Variants in SEMA6D observed in about 807,000 individuals in gnomAD.
SEMA6D encodes semaphorin-6D.
A neutral mutation model predicts 106.6 loss-of-function variants in SEMA6D; 35 were observed. That is an observed-to-expected ratio of 0.33 (90% CI 0.25 to 0.44). SEMA6D has a LOEUF of 0.44. SEMA6D is among the 20% of genes least tolerant of loss of function. SEMA6D has a pLI of 1.00. For synonymous variants in SEMA6D, 499 were observed against 487.7 expected (o/e 1.02, Z -0.31); for missense variants, 1,185 against 1,345.9 (o/e 0.88, Z 1.87).
intron 4 of SEMA6D, among the ~76,000 whole-genome samples, chr15:47,697,337 G>A (rs1012964362): frequency 3.9e-5 from 6 of 152,026 alleles, no homozygotes; most frequent in African/African-American, 1.2e-4. Context: ...AATAATTATC[G>A]TGCTCTCCCA....
At chr15:47,586,539 T>C (rs1168682932) in intron 3 of SEMA6D, among the ~76,000 whole-genome samples, 3 of 152,222 alleles carry the variant, frequency 2.0e-5, no homozygotes, top group African/African-American at 7.2e-5. Flanking sequence ...CTCTCTTTCA[T>C]AGTGCTTTGT....
intron 1 of SEMA6D, among the ~76,000 whole-genome samples, chr15:47,403,689 TG>T (rs1185060837): frequency 6.6e-6 from 1 of 152,060 alleles, no homozygotes; most frequent in Non-Finnish European, 1.5e-5. Context: ...TGCATGGGGA[TG>T]GGGAGAGGTT....
At chr15:47,290,354 A>G (rs1056964365) in intron 1 of SEMA6D, among the ~76,000 whole-genome samples, 4 of 152,280 alleles carry the variant, frequency 2.6e-5, no homozygotes, top group African/African-American at 4.8e-5. Context: ...TCAGAGGGCA[A>G]TTACTTCCAA....
intron 1 of SEMA6D, among the ~76,000 whole-genome samples, chr15:47,185,185 C>T (rs1334023055): frequency 6.6e-6 from 1 of 152,082 alleles, no homozygotes; most frequent in African/African-American, 2.4e-5. Context: ...ATAAAAGTGA[C>T]GACTTGGAGG....
At chr15:47,755,007 A>G (rs190511070) in intron 1 of SEMA6D, among the ~76,000 whole-genome samples, 319 of 142,530 alleles carry the variant, frequency 2.2e-3, no homozygotes, top group Admixed American at 4.1e-3. Context: ...GCTGGAGTTC[A>G]GTGGTGCAGT....
At chr15:47,646,320 A>G (rs577791547) in intron 4 of SEMA6D, among the ~76,000 whole-genome samples, 7 of 152,314 alleles carry the variant, frequency 4.6e-5, no homozygotes, top group Non-Finnish European at 8.8e-5. Context: ...AAATAAATAT[A>G]TAGATTTCAC....
intron 1 of SEMA6D, among the ~76,000 whole-genome samples, chr15:47,411,316 C>T (rs1479733874): frequency 2.0e-5 from 3 of 151,892 alleles, no homozygotes; most frequent in Non-Finnish European, 2.9e-5. Flanking sequence ...AGGATGGTCT[C>T]GATCTCCTGA....
chr15:47,284,616 C>G (rs1040204145), intron 1 of SEMA6D, among the ~76,000 whole-genome samples: 2 of 152,156 alleles, frequency 1.3e-5, no homozygotes, highest in African/African-American at 2.4e-5. Flanking sequence ...AAAACTATGT[C>G]CTAGTGAATG....
chr15:47,332,097 G>C (rs1433664809), intron 1 of SEMA6D, among the ~76,000 whole-genome samples: 1 of 152,142 alleles, frequency 6.6e-6, no homozygotes, highest in Non-Finnish European at 1.5e-5. Flanking sequence ...TTTCTAATTA[G>C]TTTACTTATC....
At chr15:47,230,542 C>A (rs1292511910) in intron 1 of SEMA6D, among the ~76,000 whole-genome samples, 1 of 152,116 alleles carries the variant, frequency 6.6e-6, no homozygotes, top group African/African-American at 2.4e-5. Flanking sequence ...AAGTAGCTGG[C>A]TCTTACTCTG....
At position 47,304,792 on chromosome 15, in the gene SEMA6D, A is replaced by T. The variant is rs1409102677; in HGVS notation, c.-238-107601A>T. Among the ~76,000 whole-genome samples the T allele has an allele frequency of 2.0e-5, 3 of 152,166 alleles. No individual in the cohort carries two copies. The East Asian group carries it at 5.8e-4, about 29-fold the overall frequency. ...ATTCTTATCTGAGCTACCACCTCAC[A>T]TAGGCTGCTGTGGTGACTAACAGTG... On this transcript the variant is annotated intron_variant, in intron 1 of 19. Coordinates refer to the SEMA6D transcript ENST00000558014.
At chr15:47,735,650 G>A (rs955351366) in intron 1 of SEMA6D, among the ~76,000 whole-genome samples, 1 of 152,220 alleles carries the variant, frequency 6.6e-6, no homozygotes, top group African/African-American at 2.4e-5. Flanking sequence ...TCATTTACTT[G>A]AGCAAATTTA....
intron 3 of SEMA6D, among the ~76,000 whole-genome samples, chr15:47,563,089 T>A (rs1260277187): frequency 6.6e-6 from 1 of 152,184 alleles, no homozygotes; most frequent in Non-Finnish European, 1.5e-5. Context: ...AAAGACTACA[T>A]AATGTGTAAT....
chr15:47,250,808 T>G (rs2033474925), intron 1 of SEMA6D, among the ~76,000 whole-genome samples: 1 of 152,240 alleles, frequency 6.6e-6, no homozygotes, highest in Admixed American at 6.5e-5. Flanking sequence ...CAAGTGCTAT[T>G]TGACACAGTT....
chr15:47,440,685 T>C (rs1407140215), intron 2 of SEMA6D, among the ~76,000 whole-genome samples: 1 of 151,998 alleles, frequency 6.6e-6, no homozygotes, highest in African/African-American at 2.4e-5. Flanking sequence ...AATGATGACT[T>C]AACATAGAAG....
At chr15:47,478,032 C>T (rs989999195) in intron 3 of SEMA6D, among the ~76,000 whole-genome samples, 2 of 152,146 alleles carry the variant, frequency 1.3e-5, no homozygotes, top group African/African-American at 2.4e-5. Context: ...CAATTCTCTC[C>T]TTGAGTTGAG....
intron 1 of SEMA6D, among the ~76,000 whole-genome samples, chr15:47,355,430 A>G (rs549934243): frequency 2.6e-5 from 4 of 152,370 alleles, no homozygotes; most frequent in Admixed American, 1.3e-4. Flanking sequence ...AAAGACATTC[A>G]GAAATCAAAG....
intron 4 of SEMA6D, among the ~76,000 whole-genome samples, chr15:47,649,300 T>C (rs2077639418): frequency 6.6e-6 from 1 of 152,144 alleles, no homozygotes; most frequent in Non-Finnish European, 1.5e-5. Flanking sequence ...TAAAAATAAA[T>C]GTCTGACACA....
upstream of SEMA6D, chr15:47,717,048 T>G (rs915079954): frequency 2.0e-5 from 3 of 152,190 alleles, no homozygotes; most frequent in African/African-American, 7.2e-5. Context: ...TGGGCTGCAG[T>G]GATTTGTCCT....
Sources: gnomAD v4.1 joint callset for allele counts (sites outside exome capture counted in the v4.1 genomes callset) on GRCh38, gnomAD v4.1.1 for gene constraint, MANE v1.5 for transcripts, NCBI Gene and HGNC (gene_info 2026-07-23, HGNC 2026-07-21) for gene names.